TENM2: variants seen among roughly 807,000 people sequenced by gnomAD.
The protein encoded by TENM2 is teneurin-2.
TENM2 carries 52 observed loss-of-function variants against 245.2 expected under a neutral mutation model. That is an observed-to-expected ratio of 0.21 (90% CI 0.17 to 0.27). The LOEUF is 0.27. TENM2 is among the 10% of genes least tolerant of loss of function. The pLI, the probability that TENM2 is intolerant of heterozygous loss-of-function variation, is 1.00. For synonymous variants in TENM2, 1,363 were observed against 1,438.9 expected (o/e 0.95, Z 1.19); for missense variants, 3,046 against 3,666.8 (o/e 0.83, Z 4.37).
intron 2 of TENM2, among the ~76,000 whole-genome samples, chr5:167,732,761 A>G (rs1357629066): frequency 1.3e-5 from 2 of 152,202 alleles, no homozygotes; most frequent in Non-Finnish European, 2.9e-5. Flanking sequence ...TGAATGGGGA[A>G]GCTCTGAACC....
intron 27 of TENM2, among the ~76,000 whole-genome samples, chr5:168,248,918 A>T (rs1335482958): frequency 6.6e-6 from 1 of 152,180 alleles, no homozygotes; most frequent in Non-Finnish European, 1.5e-5. Context: ...CAGGAGTTCA[A>T]GATCAGCCTG....
chr5:167,087,396 C>T, the TENM2 span, among the ~76,000 whole-genome samples: 1 of 152,256 alleles, frequency 6.6e-6, no homozygotes, highest in South Asian at 2.1e-4. Context: ...CTCTGCCTTC[C>T]CTGAAACTTG....
At chr5:167,985,980 T>C (rs536717703) in intron 4 of TENM2, among the ~76,000 whole-genome samples, 13 of 152,356 alleles carry the variant, frequency 8.5e-5, no homozygotes, top group African/African-American at 3.1e-4. Context: ...ATCATAAGAA[T>C]AAAATAAAAA....
At chr5:168,100,796 A>G (rs1480660371) in intron 9 of TENM2, among the ~76,000 whole-genome samples, 1 of 152,010 alleles carries the variant, frequency 6.6e-6, no homozygotes, top group Admixed American at 6.6e-5. Flanking sequence ...TGATGGGTTG[A>G]TGGGTGCAGC....
chr5:167,695,428 TA>T (rs1182093602), intron 2 of TENM2, among the ~76,000 whole-genome samples: 3 of 152,194 alleles, frequency 2.0e-5, no homozygotes. Flanking sequence ...TTTTAGCCAT[TA>T]AAAAAATATA....
intron 3 of TENM2, among the ~76,000 whole-genome samples, chr5:167,891,466 G>A (rs1278810366): frequency 1.3e-5 from 2 of 152,090 alleles, no homozygotes; most frequent in African/African-American, 4.8e-5. Context: ...ATACAATTAG[G>A]AGGAAGGAAA....
chr5:168,245,734 G>A (rs919368934), intron 26 of TENM2, among the ~76,000 whole-genome samples: 3 of 151,996 alleles, frequency 2.0e-5, no homozygotes, highest in African/African-American at 7.2e-5. Context: ...CATTACAGCG[G>A]TGACTTGCAG....
At chr5:168,068,519 A>G (rs1425425352) in intron 7 of TENM2, among the ~76,000 whole-genome samples, 2 of 152,166 alleles carry the variant, frequency 1.3e-5, no homozygotes, top group Non-Finnish European at 2.9e-5. Flanking sequence ...TAATCTCTGT[A>G]TATGTATGTT....
the TENM2 span, among the ~76,000 whole-genome samples, chr5:167,108,530 A>G: frequency 6.6e-6 from 1 of 152,162 alleles, no homozygotes; most frequent in Non-Finnish European, 1.5e-5. Context: ...CCCATTTTTA[A>G]TCCAGTAACA....
chr5:167,479,695 C>G (rs902679862), intron 2 of TENM2, among the ~76,000 whole-genome samples: 1 of 152,116 alleles, frequency 6.6e-6, no homozygotes, highest in Non-Finnish European at 1.5e-5. Context: ...TTATTGGCAT[C>G]ACGTTTTTTA....
the TENM2 span, among the ~76,000 whole-genome samples, chr5:167,047,206 T>C: frequency 4.8e-4 from 73 of 152,356 alleles, no homozygotes; most frequent in Non-Finnish European, 5.0e-4. Context: ...TTACAAGTAA[T>C]ACTGAAAAAT....
chr5:167,326,125 G>A (rs1168218026), intron 1 of TENM2, among the ~76,000 whole-genome samples: 1 of 152,112 alleles, frequency 6.6e-6, no homozygotes, highest in Non-Finnish European at 1.5e-5. Context: ...AAGAGAGAGT[G>A]TTCTCAGTAT....
chr5:167,779,081 C>A (rs1355227034), intron 2 of TENM2, among the ~76,000 whole-genome samples: 1 of 152,208 alleles, frequency 6.6e-6, no homozygotes, highest in Admixed American at 6.5e-5. Flanking sequence ...AGAAACTTTT[C>A]ATTCTAAACA....
the TENM2 span, among the ~76,000 whole-genome samples, chr5:167,264,491 T>C: frequency 1.3e-5 from 2 of 152,194 alleles, no homozygotes; most frequent in African/African-American, 4.8e-5. Flanking sequence ...GAGCAGCGTG[T>C]GTTTTGTTCC....
chr5:168,173,779 A>G (rs1366820439), intron 13 of TENM2, among the ~76,000 whole-genome samples: 2 of 152,214 alleles, frequency 1.3e-5, no homozygotes, highest in African/African-American at 2.4e-5. Context: ...TTAAGGGTCC[A>G]TAATAGAAGT....
intron 2 of TENM2, among the ~76,000 whole-genome samples, chr5:167,718,042 A>G (rs1183525801): frequency 6.6e-6 from 1 of 152,174 alleles, no homozygotes; most frequent in Non-Finnish European, 1.5e-5. Flanking sequence ...GAAAGTCTGA[A>G]TATCTAGCAT....
chr5:167,704,372 A>G (rs1758362365), intron 2 of TENM2, among the ~76,000 whole-genome samples: 1 of 152,170 alleles, frequency 6.6e-6, no homozygotes, highest in South Asian at 2.1e-4. Context: ...AGCTACAACC[A>G]TGGCACATCT....
chr5:167,982,788 G>A (rs1331201791), intron 4 of TENM2, among the ~76,000 whole-genome samples: 1 of 152,128 alleles, frequency 6.6e-6, no homozygotes, highest in Admixed American at 6.5e-5. Context: ...AAGAGAGAGA[G>A]CCTGACTTTG....
At chr5:167,711,768 G>A (rs549552078) in intron 2 of TENM2, among the ~76,000 whole-genome samples, 35 of 152,200 alleles carry the variant, frequency 2.3e-4, no homozygotes, top group African/African-American at 7.9e-4. Context: ...TTTGCAGTGT[G>A]CCTTTGAATA....
Sources: allele counts gnomAD v4.1 joint callset (sites outside exome capture counted in the v4.1 genomes callset), GRCh38; gene constraint gnomAD v4.1.1; transcripts MANE v1.5; gene names NCBI Gene and HGNC (gene_info 2026-07-23, HGNC 2026-07-21).